Variants in TRIM34 observed in about 807,000 individuals in gnomAD.
The protein encoded by TRIM34 is E3 ubiquitin-protein ligase TRIM34.
A neutral mutation model predicts 38.1 loss-of-function variants in TRIM34; 41 were observed. The observed-to-expected ratio is 1.08, with a 90% CI of 0.84 to 1.40. The LOEUF (loss-of-function observed/expected upper bound fraction) is 1.40, where lower values mean the gene tolerates loss of function less well. Among genes scored for constraint, TRIM34 ranks in the 40% most tolerant of loss-of-function variants. TRIM34 has a pLI of 0.00. For synonymous variants in TRIM34, 200 were observed against 202.5 expected, an observed-to-expected ratio of 0.99 and a Z score of 0.10; for missense variants, 556 against 571.4, an observed-to-expected ratio of 0.97 and a Z score of 0.27.
At chr11:5,637,128 G>T (rs7113604) in intron 4 of TRIM34, among the ~76,000 whole-genome samples, 6,150 of 152,000 alleles carry the variant, frequency 0.04, 394 homozygotes, top group African/African-American at 0.14. Flanking sequence ...AGCCAAGATG[G>T]CGCCACTGCA....
At chr11:5,626,332 CAAG>C (rs1209122980) in intron 1 of TRIM34, among the ~76,000 whole-genome samples, 1 of 152,164 alleles carries the variant, frequency 6.6e-6, no homozygotes, top group Non-Finnish European at 1.5e-5. Context: ...TTAGAGTACA[CAAG>C]AAGATGACTA....
chr11:5,630,981 A>G (rs1397183945), intron 1 of TRIM34, among the ~76,000 whole-genome samples: 1 of 152,218 alleles, frequency 6.6e-6, no homozygotes, highest in Admixed American at 6.5e-5. Context: ...TGGATTTAAC[A>G]CAGACAGAAC....
chr11:5,626,243 T>C (rs868349874), intron 1 of TRIM34, among the ~76,000 whole-genome samples: 1 of 152,226 alleles, frequency 6.6e-6, no homozygotes, highest in African/African-American at 2.4e-5. Context: ...TTAGCATCCA[T>C]TTAACATTCA....
intron 3 of TRIM34, 71 bp downstream of exon 3, chr11:5,633,970 C>CT (rs747965920): frequency 6.6e-7 from 1 of 1,518,446 alleles, no homozygotes; most frequent in East Asian, 2.3e-5. Context: ...AGGCCTCGTC[C>CT]TTTTTATTCC....
chr11:5,628,633 TC>T (rs1309477880), intron 1 of TRIM34, among the ~76,000 whole-genome samples: 1 of 152,180 alleles, frequency 6.6e-6, no homozygotes, highest in African/African-American at 2.4e-5. Context: ...TGGGAAAGAT[TC>T]CTAAGTTGTC....
chr11:5,630,578 G>T (rs1001554011), intron 1 of TRIM34, among the ~76,000 whole-genome samples: 2 of 152,158 alleles, frequency 1.3e-5, no homozygotes, highest in African/African-American at 4.8e-5. Flanking sequence ...CATGAACGGG[G>T]CATTCACTTC....
intron 1 of TRIM34, among the ~76,000 whole-genome samples, chr11:5,631,635 A>G (rs1372050897): frequency 6.6e-6 from 1 of 152,200 alleles, no homozygotes; most frequent in Non-Finnish European, 1.5e-5. Context: ...TTAGGAGGCG[A>G]GCACTTCTTC....
intron 4 of TRIM34, among the ~76,000 whole-genome samples, chr11:5,636,455 A>G (rs1564887477): frequency 6.6e-6 from 1 of 152,234 alleles, no homozygotes; most frequent in Non-Finnish European, 1.5e-5. Context: ...CGGTTGCACT[A>G]CATCGTGAAT....
rs58134807 is a variant in TRIM34, at chr11:5,639,679, CAAAAAAAAAA to C, written c.751-1469_751-1460del. Among the ~76,000 whole-genome samples the C allele has an allele frequency of 3.6e-3, 183 of 51,148 alleles. 2 individuals carry two copies. The highest frequency in any genetic ancestry group is 0.011 in the Admixed American group (35 of 3,194). 33.6% of individuals were successfully genotyped at this position (51,148 alleles called of 152,430 possible). ...TGGGTGACAGAGTGAGACTCTATTTCAAAAAAAAAAAAAAAAAAAAAAAAAAAAGATTGGA... is the reference window on the plus strand; with the variant it reads ...TGGGTGACAGAGTGAGACTCTATTTCAAAAAAAAAAAAAAAAAAGATTGGA... On this transcript the variant is annotated intron_variant, in intron 4 of 7. Transcript: ENST00000429814.
chr11:5,642,596 C>A, intron 6 of TRIM34, 90 bp downstream of exon 6: 1 of 1,491,554 alleles, frequency 6.7e-7, no homozygotes, highest in Non-Finnish European at 9.0e-7. Flanking sequence ...AAATTGAGGA[C>A]AGAAGAGAGG....
chr11:5,623,275 T>C (rs575893745), upstream of TRIM34, among the ~76,000 whole-genome samples: 1 of 152,146 alleles, frequency 6.6e-6, no homozygotes, highest in Admixed American at 6.5e-5. Flanking sequence ...GTTACCAATA[T>C]TGAAATAAGG....
chr11:5,629,050 G>A (rs1167892196), intron 1 of TRIM34, among the ~76,000 whole-genome samples: 1 of 152,140 alleles, frequency 6.6e-6, no homozygotes, highest in Non-Finnish European at 1.5e-5. Flanking sequence ...GCCGAGACAG[G>A]TGGATCACCT....
chr11:5,623,187 CA>C (rs1159099569), upstream of TRIM34, among the ~76,000 whole-genome samples: 2 of 144,444 alleles, frequency 1.4e-5, no homozygotes, highest in Non-Finnish European at 3.0e-5. Flanking sequence ...AACCAGTTCT[CA>C]ACCTGACTTT....
At chr11:5,635,184 T>A (rs1440859598) in intron 4 of TRIM34, among the ~76,000 whole-genome samples, 1 of 151,890 alleles carries the variant, frequency 6.6e-6, no homozygotes, top group African/African-American at 2.4e-5. Context: ...TTTAAGAGCA[T>A]ACACATTTAA....
intron 6 of TRIM34, 48 bp from the exon 7 acceptor site, chr11:5,642,769 T>C: frequency 6.2e-7 from 1 of 1,612,612 alleles, no homozygotes; most frequent in Non-Finnish European, 8.5e-7. Flanking sequence ...GTATCAGTGC[T>C]TACTCCTTTG....
At chr11:5,634,532 T>C (rs111673662) in intron 3 of TRIM34, 99 bp from the exon 4 acceptor site, 14,891 of 256,820 alleles carry the variant, frequency 0.058, 29 homozygotes, top group South Asian at 0.14. Context: ...CACACACACA[T>C]ATATATATAT....
At chr11:5,624,204 G>C (rs760482850), upstream of TRIM34, among the ~76,000 whole-genome samples, 5 of 152,084 alleles carry the variant, frequency 3.3e-5, no homozygotes, top group Admixed American at 2.0e-4. Context: ...TCAGATTCGC[G>C]TAAAAATTAC....
chr11:5,620,359 A>G (rs1000622586), upstream of TRIM34, among the ~76,000 whole-genome samples: 33 of 150,956 alleles, frequency 2.2e-4, no homozygotes, highest in African/African-American at 7.5e-4. Context: ...TTGTATTTTT[A>G]GTAGAGACGG....
At chr11:5,621,449 G>T (rs1178212426), upstream of TRIM34, among the ~76,000 whole-genome samples, 2 of 152,172 alleles carry the variant, frequency 1.3e-5, no homozygotes, top group Non-Finnish European at 2.9e-5. Flanking sequence ...ACATGCCCAT[G>T]GAAATAGCTG....
Sources: allele counts gnomAD v4.1 joint callset (sites outside exome capture counted in the v4.1 genomes callset), GRCh38; gene constraint gnomAD v4.1.1; transcripts MANE v1.5; gene names NCBI Gene and HGNC (gene_info 2026-07-23, HGNC 2026-07-21).